PLS3: variants seen among roughly 807,000 people sequenced by gnomAD.
PLS3 encodes plastin-3.
In PLS3, 11 loss-of-function variants were observed where a neutral mutation model predicts 46.5. The observed-to-expected ratio is 0.24, with a 90% CI of 0.15 to 0.39. The LOEUF (loss-of-function observed/expected upper bound fraction) is 0.39. Ranked by LOEUF, PLS3 falls within the 10% of genes least tolerant of loss-of-function variation. The probability of loss-of-function intolerance (pLI) is 1.00; values close to 1 mark genes in which losing one functional copy is unlikely to be tolerated. For synonymous variants in PLS3, 167 were observed against 162.2 expected, an observed-to-expected ratio of 1.03 and a Z score of -0.22; for missense variants, 308 against 461.8, an observed-to-expected ratio of 0.67 and a Z score of 3.05.
chrX:115,600,078 T>C (rs1490802417), intron 1 of PLS3, among the ~76,000 whole-genome samples: 1 of 111,415 alleles, frequency 9.0e-6, no homozygotes, highest in Non-Finnish European at 1.9e-5. Flanking sequence ...TTCTCATTGC[T>C]GTGATCACTG....
Position 115,646,341 on chromosome X carries a change from AC to A in PLS3, c.1378-60del. ...ATACCTAGCATTATACAAGACACAC[AC>A]ACACGTATGCAGATTAAACAAATGG... On this transcript the variant is annotated intron_variant, in intron 12 of 15. Coordinates refer to ENST00000355899, the MANE Select transcript of PLS3 (RefSeq NM_005032.7). 6 of 1,125,050 alleles carry A rather than the reference AC, an allele frequency of 5.3e-6. No individual in the cohort carries two copies. In the African/African-American group the frequency reaches 7.2e-5, roughly 13 times the overall value. 92.7% of individuals were successfully genotyped at this position (1,125,050 alleles called of 1,213,427 possible). A position where few individuals can be genotyped will look rare whatever the true frequency, so the allele number is the denominator to read the frequency against.
chrX:115,626,730 T>C (rs1190274623), intron 3 of PLS3, among the ~76,000 whole-genome samples: 1 of 111,555 alleles, frequency 9.0e-6, no homozygotes, highest in Non-Finnish European at 1.9e-5. Context: ...ACAAACTTAA[T>C]TACAACTTTG....
intron 15 of PLS3, 56 bp from the exon 16 acceptor site, chrX:115,649,373 C>A: frequency 2.0e-6 from 2 of 1,019,295 alleles, no homozygotes; most frequent in Non-Finnish European, 1.3e-6. Flanking sequence ...AGATGTCTTA[C>A]GTGGTGTCCT....
chrX:115,600,699 C>T (rs781820513), intron 1 of PLS3, among the ~76,000 whole-genome samples: 3 of 111,756 alleles, frequency 2.7e-5, no homozygotes, highest in Non-Finnish European at 5.7e-5. Context: ...GACTGACTGT[C>T]CTCATATCCA....
At chrX:115,621,467 C>G (rs781840120) in intron 2 of PLS3, among the ~76,000 whole-genome samples, 4 of 111,901 alleles carry the variant, frequency 3.6e-5, no homozygotes, top group South Asian at 7.4e-4. Context: ...AAACTTTATT[C>G]ACAGGAAAAT....
chrX:115,621,286 ATT>A (rs1460416595), intron 2 of PLS3, among the ~76,000 whole-genome samples: 3 of 112,525 alleles, frequency 2.7e-5, no homozygotes, highest in African/African-American at 9.7e-5. Flanking sequence ...AAGTGCTGGG[ATT>A]ACAGGCGTGA....
At chrX:115,639,289 G>A (rs185331761) in intron 8 of PLS3, among the ~76,000 whole-genome samples, 35 of 111,824 alleles carry the variant, frequency 3.1e-4, no homozygotes, top group African/African-American at 1.1e-3. Context: ...TGATAGAATC[G>A]GAGTTGGCAT....
intron 7 of PLS3, among the ~76,000 whole-genome samples, chrX:115,635,514 G>A (rs930366152): frequency 9.2e-6 from 1 of 108,263 alleles, no homozygotes; most frequent in East Asian, 2.9e-4. Flanking sequence ...AGCCAGGCGA[G>A]GTGGCACGTG....
At chrX:115,631,858 T>C (rs141598610) in intron 5 of PLS3, among the ~76,000 whole-genome samples, 1,795 of 111,587 alleles carry the variant, frequency 0.016, 38 homozygotes, top group African/African-American at 0.056. Context: ...GGCTGGAGTG[T>C]AGTGGCGTGA....
chrX:115,621,874 A>G lies in PLS3; in HGVS notation c.74-372A>G, dbSNP rs782194135. ...GAAGAATAAGAAACACAAAATTCCT[A>G]TACTTACAGTAGAAATTGTTCTATA... is the stretch of plus-strand genomic sequence containing the variant. On this transcript the variant is annotated intron_variant, in intron 2 of 15. Transcript: ENST00000355899. Among the ~76,000 whole-genome samples, 5 of 112,115 alleles carry G rather than the reference A, an allele frequency of 4.5e-5. No homozygotes were observed. In the South Asian group the frequency reaches 1.8e-3, roughly 41 times the overall value.
intron 2 of PLS3, 86 bp from the exon 3 acceptor site, chrX:115,622,159 TG>T (rs1556637698): frequency 1.4e-6 from 1 of 721,620 alleles, no homozygotes; most frequent in Admixed American, 3.2e-5. Context: ...AGTGAGCTTA[TG>T]AACTGAACCT....
intron 2 of PLS3, among the ~76,000 whole-genome samples, chrX:115,621,740 G>T (rs2074657511): frequency 9.0e-6 from 1 of 111,635 alleles, no homozygotes; most frequent in Non-Finnish European, 1.9e-5. Context: ...ATTAATGTTT[G>T]TTTACATTAA....
At chrX:115,619,729 C>T (rs782701269) in intron 2 of PLS3, among the ~76,000 whole-genome samples, 8 of 112,354 alleles carry the variant, frequency 7.1e-5, no homozygotes, top group African/African-American at 2.3e-4. Context: ...TTTAATTAGC[C>T]AGGCATGATG....
intron 1 of PLS3, among the ~76,000 whole-genome samples, chrX:115,567,522 C>T (rs937572938): frequency 1.0e-4 from 11 of 109,532 alleles, no homozygotes. Flanking sequence ...GCCTGGGAGG[C>T]GGAGGTTACA....
intron 1 of PLS3, among the ~76,000 whole-genome samples, chrX:115,572,273 G>A (rs942223272): frequency 2.7e-5 from 3 of 111,042 alleles, no homozygotes; most frequent in Non-Finnish European, 3.8e-5. Context: ...AGGATTGCTT[G>A]AGCCCAGGAA....
chrX:115,582,230 A>C (rs1427908558), intron 1 of PLS3, among the ~76,000 whole-genome samples: 5 of 112,233 alleles, frequency 4.5e-5, no homozygotes, highest in African/African-American at 1.6e-4. Context: ...CTGAGGTAAT[A>C]AGCTGGGAGA....
At chrX:115,606,369 C>T (rs1239634328) in intron 1 of PLS3, among the ~76,000 whole-genome samples, 4 of 108,655 alleles carry the variant, frequency 3.7e-5, no homozygotes, top group African/African-American at 1.3e-4. Flanking sequence ...AACTCCTGGG[C>T]TCAAGTGATC....
At chrX:115,607,742 A>T (rs5946087) in intron 1 of PLS3, among the ~76,000 whole-genome samples, 1 of 111,251 alleles carries the variant, frequency 9.0e-6, no homozygotes, top group Non-Finnish European at 1.9e-5. Flanking sequence ...ACCTCAAGCA[A>T]TCCACCCGCC....
intron 1 of PLS3, among the ~76,000 whole-genome samples, chrX:115,585,826 A>C (rs1160437235): frequency 9.0e-6 from 1 of 111,644 alleles, no homozygotes; most frequent in East Asian, 2.8e-4. Flanking sequence ...GCTTTAAAAT[A>C]ATCCGCATAT....
Sources: gnomAD v4.1 joint callset for allele counts (sites outside exome capture counted in the v4.1 genomes callset) on GRCh38, gnomAD v4.1.1 for gene constraint, MANE v1.5 for transcripts, NCBI Gene and HGNC (gene_info 2026-07-23, HGNC 2026-07-21) for gene names.